EML2: variants seen among roughly 807,000 people sequenced by gnomAD.
EML2 encodes echinoderm microtubule-associated protein-like 2.
A neutral mutation model predicts 84.7 loss-of-function variants in EML2; 59 were observed. That is an observed-to-expected ratio of 0.70 (90% CI 0.56 to 0.86). The LOEUF is 0.86. EML2 is among the 40% of genes least tolerant of loss of function. EML2 has a pLI of 0.00. For synonymous variants in EML2, 352 were observed against 348.9 expected (o/e 1.01, Z -0.10); for missense variants, 818 against 855.6 (o/e 0.96, Z 0.55).
chr19:45,643,511 T>C, upstream of EML2: 1 of 1,532,044 alleles, frequency 6.5e-7, no homozygotes, highest in Non-Finnish European at 8.7e-7. Context: ...CCCCGCTCAT[T>C]TTCCCAAAGT....
At chr19:45,634,933 C>T (rs1973545728) in intron 3 of EML2, among the ~76,000 whole-genome samples, 1 of 152,150 alleles carries the variant, frequency 6.6e-6, no homozygotes, top group South Asian at 2.1e-4. Flanking sequence ...TCACTGCAAC[C>T]TCCGACTCCC....
At position 45,626,741 on chromosome 19, in the gene EML2, C is replaced by G. The variant is rs1545040; in HGVS notation, c.705G>C (p.Glu235Asp). The change falls in exon 8 of 19, where the codon GAG becomes GAC. Residue 235 changes from glutamate (E) to aspartate (D), a missense_variant. Glu to Asp is a conservative substitution (Grantham distance 45). Coordinates refer to ENST00000245925, the MANE Select transcript of EML2 (RefSeq NM_012155.4). ...CTTGCCGCTTGCTCAAGCTGCCCCC[C>G]TCCAAGGTCCAGAAGTAGATGTGAG... is the stretch of plus-strand genomic sequence containing the variant. Reference protein sequence around the residue: ...GKSHIYFWTLEGGSLSKRQGL... With the variant: ...GKSHIYFWTLDGGSLSKRQGL... 3.1e-6 allele frequency: 5 copies of G among 1,613,692 alleles called. No individual in the cohort carries two copies. The highest frequency in any genetic ancestry group is 1.3e-5 in the African/African-American group (1 of 74,872).
intron 7 of EML2, among the ~76,000 whole-genome samples, chr19:45,629,130 TTATC>T (rs1972728113): frequency 6.6e-6 from 1 of 151,994 alleles, no homozygotes; most frequent in Non-Finnish European, 1.5e-5. Context: ...CCATTTTATT[TTATC>T]TATTTATTTT....
intron 8 of EML2, among the ~76,000 whole-genome samples, chr19:45,625,693 T>C (rs1972229720): frequency 6.6e-6 from 1 of 152,176 alleles, no homozygotes; most frequent in African/African-American, 2.4e-5. Context: ...CAGTGTTCTC[T>C]GGGCTTCCCT....
At chr19:45,645,397 A>G (rs1308687513), upstream of EML2, 3 of 1,495,468 alleles carry the variant, frequency 2.0e-6, no homozygotes, top group Admixed American at 2.2e-5. Context: ...GGTCCCCCCA[A>G]CCAGGCCCTG....
intron 3 of EML2, 138 bp from the exon 4 acceptor site, chr19:45,634,609 T>G: frequency 2.1e-6 from 1 of 485,828 alleles, no homozygotes; most frequent in Non-Finnish European, 2.8e-6. Context: ...TCGCCCAGGC[T>G]GGAGTGCAGT....
chr19:45,619,552 T>A, intron 11 of EML2: 1 of 164,294 alleles, frequency 6.1e-6, no homozygotes, highest in Admixed American at 6.1e-5. Flanking sequence ...GCTTCTGGAG[T>A]CTGCCTGCAT....
chr19:45,615,908 ATGGTG>A lies in EML2; in HGVS notation c.1510-24_1510-20del. ...AATGGCCCTGCGGGGGAGGGAAGGGATGGTGTTAGAGCTGCAGAGGGCGGAACCAA... is the reference window on the plus strand; with the variant it reads ...AATGGCCCTGCGGGGGAGGGAAGGGATTAGAGCTGCAGAGGGCGGAACCAA... On this transcript the variant is annotated intron_variant, in intron 15 of 18. Transcript: ENST00000245925. 6.2e-7 allele frequency: 1 copy of A among 1,600,544 alleles called. No individual in the cohort carries two copies. The highest frequency in any genetic ancestry group is 8.6e-7 in the Non-Finnish European group (1 of 1,168,098).
upstream of EML2, chr19:45,642,067 A>G: frequency 6.9e-7 from 1 of 1,445,526 alleles, no homozygotes. Context: ...TAGGGGACAG[A>G]AGAGGGTGAG....
chr19:45,627,485 C>T (rs1972505873), intron 7 of EML2, among the ~76,000 whole-genome samples: 1 of 145,290 alleles, frequency 6.9e-6, no homozygotes. Flanking sequence ...AAACTCCTGA[C>T]CTCAAGTGAT....
intron 8 of EML2, 149 bp downstream of exon 8, chr19:45,626,556 G>C (rs1972353075): frequency 1.1e-6 from 1 of 889,726 alleles, no homozygotes; most frequent in African/African-American, 1.7e-5. Context: ...CCATGGTATG[G>C]AGAAAGAAAC....
intron 2 of EML2, 105 bp from the exon 3 acceptor site, chr19:45,638,739 G>C (rs952021890): frequency 1.3e-6 from 2 of 1,586,012 alleles, no homozygotes; most frequent in African/African-American, 2.7e-5. Context: ...GGGAAACTGA[G>C]GCCAGAGAGG....
chr19:45,625,218 A>G (rs768936676), intron 8 of EML2, among the ~76,000 whole-genome samples: 4 of 151,932 alleles, frequency 2.6e-5, no homozygotes, highest in Non-Finnish European at 4.4e-5. Flanking sequence ...GGCCTGCGCC[A>G]TCATGGCCGG....
intron 14 of EML2, 90 bp downstream of exon 14, chr19:45,616,675 G>T: frequency 7.1e-7 from 1 of 1,409,834 alleles, no homozygotes; most frequent in South Asian, 1.2e-5. Flanking sequence ...CCTAGGCCTC[G>T]CTTCGCAGGC....
upstream of EML2, chr19:45,641,883 T>A (rs964201137): frequency 1.4e-6 from 2 of 1,460,770 alleles, no homozygotes; most frequent in Non-Finnish European, 1.8e-6. Context: ...CACGAGGTCT[T>A]GGAAGAGGCT....
chr19:45,645,424 C>T, upstream of EML2: 1 of 1,462,072 alleles, frequency 6.8e-7, no homozygotes, highest in Non-Finnish European at 9.0e-7. Context: ...GTTGCCATAG[C>T]AACGCCCTTC....
intron 7 of EML2, among the ~76,000 whole-genome samples, chr19:45,627,174 G>A (rs914320930): frequency 6.6e-6 from 1 of 151,446 alleles, no homozygotes; most frequent in African/African-American, 2.4e-5. Context: ...TTCCCGGCTG[G>A]TCTCGAACTC....
chr19:45,615,556 T>TAATAATA (rs1568435464), intron 16 of EML2, among the ~76,000 whole-genome samples: 29 of 115,894 alleles, frequency 2.5e-4, no homozygotes, highest in South Asian at 5.9e-4. Flanking sequence ...TAATAATAAT[T>TAATAATA]AAAAATTTAA....
chr19:45,616,157 GC>G, intron 15 of EML2: 1 of 557,712 alleles, frequency 1.8e-6, no homozygotes, highest in Non-Finnish European at 3.2e-6. Context: ...ACACGGAGGA[GC>G]TGGCTTTGAA....
Sources: gnomAD v4.1 joint callset for allele counts (sites outside exome capture counted in the v4.1 genomes callset) on GRCh38, gnomAD v4.1.1 for gene constraint, MANE v1.5 for transcripts, NCBI Gene and HGNC (gene_info 2026-07-23, HGNC 2026-07-21) for gene names.